NSRP1: variants seen among roughly 807,000 people sequenced by gnomAD.
NSRP1 encodes nuclear speckle splicing regulatory protein 1, also known as coiled-coil domain containing 55.
In NSRP1, 24 loss-of-function variants were observed where a neutral mutation model predicts 54.7. That is an observed-to-expected ratio of 0.44 (90% confidence interval 0.32 to 0.62). NSRP1 has a LOEUF of 0.62. Ranked by LOEUF, NSRP1 falls within the 20% of genes least tolerant of loss-of-function variation. The probability of loss-of-function intolerance (pLI) is 0.06; values close to 1 mark genes in which losing one functional copy is unlikely to be tolerated. For synonymous variants in NSRP1, 210 were observed against 213.8 expected (o/e 0.98, Z 0.15); for missense variants, 596 against 651.2 (o/e 0.92, Z 0.92).
At chr17:30,128,923 T>G (rs903936236) in intron 2 of NSRP1, among the ~76,000 whole-genome samples, 4 of 151,824 alleles carry the variant, frequency 2.6e-5, no homozygotes, top group African/African-American at 7.2e-5. Context: ...TTTTTTGTTT[T>G]TTTTTTTTTA....
At chr17:30,135,642 T>G (rs149003333) in intron 2 of NSRP1, among the ~76,000 whole-genome samples, 8,257 of 151,262 alleles carry the variant, frequency 0.055, 391 homozygotes, top group African/African-American at 0.13. Flanking sequence ...CCCAGCTAAT[T>G]TTTTTGTATT....
chr17:30,124,093 C>T (rs1190913780), intron 2 of NSRP1, among the ~76,000 whole-genome samples: 2 of 150,182 alleles, frequency 1.3e-5, no homozygotes, highest in African/African-American at 4.9e-5. Flanking sequence ...TGGGCAACAG[C>T]GAGACCCCGT....
At chr17:30,177,521 G>A (rs1345596108) in intron 3 of NSRP1, among the ~76,000 whole-genome samples, 2 of 152,180 alleles carry the variant, frequency 1.3e-5, no homozygotes, top group African/African-American at 2.4e-5. Flanking sequence ...GATTTTGATC[G>A]CTTGAAAGAG....
chr17:30,136,038 C>T (rs1021240100), intron 2 of NSRP1, among the ~76,000 whole-genome samples: 8 of 151,982 alleles, frequency 5.3e-5, no homozygotes, highest in Non-Finnish European at 8.8e-5. Flanking sequence ...CATGGTGAAA[C>T]CACGTCTCTA....
At chr17:30,146,653 T>TA (rs1178738171) in intron 2 of NSRP1, among the ~76,000 whole-genome samples, 2 of 152,354 alleles carry the variant, frequency 1.3e-5, no homozygotes, top group East Asian at 3.9e-4. Context: ...AATATATATA[T>TA]TTTTAAGAGT....
chr17:30,149,561 G>T (rs1006557400), intron 2 of NSRP1, among the ~76,000 whole-genome samples: 1 of 152,058 alleles, frequency 6.6e-6, no homozygotes, highest in African/African-American at 2.4e-5. Context: ...GCAAAGCCAG[G>T]TGCAGTGGCC....
At position 30,183,810 on chromosome 17, in the gene NSRP1, A is replaced by T. The variant is rs1567808941; in HGVS notation, c.618-805A>T. 2.0e-5 allele frequency among the ~76,000 whole-genome samples: 3 copies of T among 152,344 alleles called. No homozygotes were observed. The South Asian group carries it at 6.2e-4, about 32-fold the overall frequency. On this transcript the variant is annotated intron_variant, in intron 6 of 6. Coordinates refer to ENST00000247026, the MANE Select transcript of NSRP1 (RefSeq NM_032141.4). Reference sequence around the variant, plus strand: ...GGTGCCAAGGAGTGAATCAGGATACACTCATGAGAGAGAGTAAATATTTAG... The same window carrying T: ...GGTGCCAAGGAGTGAATCAGGATACTCTCATGAGAGAGAGTAAATATTTAG...
chr17:30,169,655 A>G (rs1234620326), intron 2 of NSRP1, among the ~76,000 whole-genome samples: 2 of 152,098 alleles, frequency 1.3e-5, no homozygotes, highest in African/African-American at 4.8e-5. Context: ...ACCTAGCTCA[A>G]TAAATGTTAG....
At position 30,163,338 on chromosome 17, in the gene NSRP1, G is replaced by T. The variant is rs570271500; in HGVS notation, c.115-9204G>T. Among the ~76,000 whole-genome samples the T allele has an allele frequency of 1.3e-4, 19 of 151,882 alleles. No individual in the cohort carries two copies. In the South Asian group the frequency reaches 4.0e-3, roughly 32 times the overall value. Reference sequence around the variant, plus strand: ...TCCACCCTCCTCGGCCTCCCAGAGTGCTGGGATTACAGGCATGAGCCACTG... The same window carrying T: ...TCCACCCTCCTCGGCCTCCCAGAGTTCTGGGATTACAGGCATGAGCCACTG... On this transcript the variant is annotated intron_variant, in intron 2 of 6. Coordinates refer to ENST00000247026, the MANE Select transcript of NSRP1 (RefSeq NM_032141.4).
chr17:30,126,162 C>T (rs2071647630), intron 2 of NSRP1: 1 of 152,140 alleles, frequency 6.6e-6, no homozygotes, highest in South Asian at 2.1e-4. Flanking sequence ...AATCACTGAT[C>T]CTCAGTCCTG....
In NSRP1 at chr17:30,178,092, G is replaced by C; in HGVS notation, c.193G>C (p.Ala65Pro). Reference protein sequence around the residue: ...MKQTKLEIQKALAEDATVYEY... With the variant: ...MKQTKLEIQKPLAEDATVYEY... ...TAAGACCAAACTGGAAATCCAGAAG[G>C]CCCTTGCAGAAGATGCTACTGTGTA... Residue 65 changes from alanine to proline, a missense_variant, in exon 4 of 7, where the codon GCC (alanine) becomes CCC (proline). Physicochemically the swap from Ala to Pro is conservative, Grantham distance 27 (BLOSUM62 -1). Transcript: ENST00000247026. 1 of 1,611,840 alleles carries C rather than the reference G, an allele frequency of 6.2e-7. No homozygotes were observed. Among genetic ancestry groups the C allele is most frequent in the Non-Finnish European group, 8.5e-7 (1 of 1,179,460 alleles).
intron 6 of NSRP1, among the ~76,000 whole-genome samples, chr17:30,182,278 A>C (rs1905334017): frequency 6.6e-6 from 1 of 152,196 alleles, no homozygotes; most frequent in Admixed American, 6.5e-5. Flanking sequence ...TGTAAGACTT[A>C]CATATCGGGG....
intron 2 of NSRP1, 27 bp downstream of exon 2, chr17:30,118,200 C>A: frequency 1.3e-6 from 2 of 1,563,544 alleles, no homozygotes; most frequent in Non-Finnish European, 1.8e-6. Context: ...TTTACTCGTG[C>A]ATGGTTGGAA....
intron 2 of NSRP1, among the ~76,000 whole-genome samples, chr17:30,139,725 T>TA (rs902327231): frequency 2.0e-5 from 3 of 152,110 alleles, no homozygotes; most frequent in African/African-American, 7.2e-5. Flanking sequence ...TTCACAGGAA[T>TA]ACTGAGACAC....
Position 30,185,437 on chromosome 17 carries a change from G to A in NSRP1, c.1440G>A (p.Lys480=), listed in dbSNP as rs1452543134. 1.9e-6 allele frequency: 3 copies of A among 1,608,838 alleles called. No individual in the cohort carries two copies. Among genetic ancestry groups the A allele is most frequent in the African/African-American group, 1.3e-5 (1 of 74,452 alleles). The change falls in exon 7 of 7, where the codon AAG becomes AAA. Residue 480 remains lysine, a synonymous_variant. Coordinates refer to ENST00000247026, the MANE Select transcript of NSRP1 (RefSeq NM_032141.4). ...CCAACAAAATGAGAAACATGGCAAAGGACAAAGAAAGAAACCAAGAGAAAC... is the reference window on the plus strand; with the variant it reads ...CCAACAAAATGAGAAACATGGCAAAAGACAAAGAAAGAAACCAAGAGAAAC... ...ERSNKMRNMA[K]DKERNQEKPS... is the part of the protein sequence containing the mutation.
intron 2 of NSRP1, among the ~76,000 whole-genome samples, chr17:30,133,817 A>G (rs1010773332): frequency 5.9e-5 from 9 of 152,224 alleles, no homozygotes; most frequent in African/African-American, 2.2e-4. Context: ...TCAGACTACT[A>G]AAATTCTCTC....
chr17:30,174,563 G>A (rs985474716), intron 3 of NSRP1, among the ~76,000 whole-genome samples: 17 of 152,072 alleles, frequency 1.1e-4, no homozygotes, highest in African/African-American at 2.4e-4. Context: ...GTCATATTCC[G>A]TTTCATTGGG....
chr17:30,185,073 A>G lies in NSRP1; in HGVS notation c.1076A>G (p.His359Arg), dbSNP rs550614524. Residue 359 changes from histidine to arginine, a missense_variant, in exon 7 of 7, where the codon CAT becomes CGT. His to Arg is a conservative substitution (Grantham distance 29, BLOSUM62 0). Coordinates refer to ENST00000247026, the MANE Select transcript of NSRP1 (RefSeq NM_032141.4). ...CATAGAGATTCCCATTGGAAGAGGC[A>G]TGAACAGGAAGATAAACCAAGGGCG... Reference protein sequence around the residue: ...ASHRDSHWKRHEQEDKPRARD... With the variant: ...ASHRDSHWKRREQEDKPRARD... The G allele has an allele frequency of 6.2e-7, 1 of 1,614,120 alleles. No homozygotes were observed. The highest frequency in any genetic ancestry group is 1.1e-5 in the South Asian group (1 of 91,070).
intron 2 of NSRP1, among the ~76,000 whole-genome samples, chr17:30,148,990 C>G (rs576264378): frequency 6.6e-6 from 1 of 152,078 alleles, no homozygotes; most frequent in Admixed American, 6.5e-5. Flanking sequence ...TATTGCTTCC[C>G]TGGGTTATTT....
Sources: allele counts gnomAD v4.1 joint callset (sites outside exome capture counted in the v4.1 genomes callset), GRCh38; gene constraint gnomAD v4.1.1; transcripts MANE v1.5; gene names NCBI Gene and HGNC (gene_info 2026-07-23, HGNC 2026-07-21).